Variants in SCAPER observed in about 807,000 individuals in gnomAD.
The protein encoded by SCAPER is S phase cyclin A-associated protein in the endoplasmic reticulum.
Under a neutral mutation model 182.2 loss-of-function variants are expected in SCAPER, and 98 were observed. That is an observed-to-expected ratio of 0.54 (90% CI 0.46 to 0.64). The LOEUF is 0.64. Ranked by LOEUF, SCAPER falls within the 30% of genes least tolerant of loss-of-function variation. The probability of loss-of-function intolerance (pLI) is 0.00; values close to 1 mark genes in which losing one functional copy is unlikely to be tolerated. For synonymous variants in SCAPER, 605 were observed against 564.6 expected (o/e 1.07, Z -1.01); for missense variants, 1,432 against 1,690.0 (o/e 0.85, Z 2.68).
At chr15:76,389,473 C>G (rs1196659110) in intron 27 of SCAPER, among the ~76,000 whole-genome samples, 1 of 112,256 alleles carries the variant, frequency 8.9e-6, no homozygotes, top group Non-Finnish European at 1.7e-5. Context: ...TGCACTGTAG[C>G]CTGGGAAACA....
chr15:76,902,884 C>T (rs1309928213), intron 1 of SCAPER, among the ~76,000 whole-genome samples: 1 of 151,958 alleles, frequency 6.6e-6, no homozygotes, highest in East Asian at 1.9e-4. Context: ...TGGTGAAACC[C>T]GGTCTCTACT....
intron 25 of SCAPER, among the ~76,000 whole-genome samples, chr15:76,440,661 A>G (rs2142659635): frequency 6.6e-6 from 1 of 152,324 alleles, no homozygotes; most frequent in Non-Finnish European, 1.5e-5. Flanking sequence ...GAAGGGCTCC[A>G]GCAGCAGACA....
At chr15:76,450,264 GC>G (rs1427044513) in intron 25 of SCAPER, among the ~76,000 whole-genome samples, 6 of 152,148 alleles carry the variant, frequency 3.9e-5, no homozygotes, top group Admixed American at 1.3e-4. Flanking sequence ...TATAAGGAAA[GC>G]AAATCAATAG....
intron 5 of SCAPER, 57 bp downstream of exon 5, chr15:76,841,677 G>A (rs1178433250): frequency 1.3e-6 from 2 of 1,551,020 alleles, no homozygotes; most frequent in African/African-American, 1.4e-5. Context: ...GTCACATGTA[G>A]CAAAAATTCA....
At chr15:76,793,199 G>T in intron 8 of SCAPER, 2 of 1,148,302 alleles carry the variant, frequency 1.7e-6, no homozygotes, top group Non-Finnish European at 2.5e-6. Context: ...CAGTTCTATA[G>T]CTACTGTTAT....
At chr15:76,432,133 T>C (rs1393244602) in intron 26 of SCAPER, among the ~76,000 whole-genome samples, 5 of 152,166 alleles carry the variant, frequency 3.3e-5, no homozygotes, top group Admixed American at 3.3e-4. Context: ...GCATGCAGGG[T>C]TGCTGCATCA....
At chr15:76,590,346 T>C (rs1487910188) in intron 22 of SCAPER, among the ~76,000 whole-genome samples, 1 of 152,136 alleles carries the variant, frequency 6.6e-6, no homozygotes, top group East Asian at 1.9e-4. Context: ...ACATGGAAAA[T>C]GTATTTTTTT....
At chr15:76,842,838 T>C (rs2069612929) in intron 4 of SCAPER, among the ~76,000 whole-genome samples, 1 of 152,196 alleles carries the variant, frequency 6.6e-6, no homozygotes, top group Non-Finnish European at 1.5e-5. Context: ...GCTCTACAAT[T>C]ACACTGCTGG....
chr15:76,745,584 AG>A (rs1475372951), intron 15 of SCAPER, among the ~76,000 whole-genome samples: 6 of 152,258 alleles, frequency 3.9e-5, no homozygotes, highest in Non-Finnish European at 8.8e-5. Context: ...TGGAATTTTA[AG>A]AAAAAGAATT....
intron 21 of SCAPER, among the ~76,000 whole-genome samples, chr15:76,643,387 A>C (rs1475423827): frequency 6.6e-6 from 1 of 152,164 alleles, no homozygotes; most frequent in Non-Finnish European, 1.5e-5. Flanking sequence ...GGTCTTTAGA[A>C]AGTCATCATT....
chr15:76,376,410 G>A, intron 28 of SCAPER, 99 bp from the exon 29 acceptor site: 1 of 1,318,576 alleles, frequency 7.6e-7, no homozygotes, highest in Non-Finnish European at 1.0e-6. Context: ...CTGCCATGGT[G>A]GTGGAAAAAC....
At chr15:76,673,995 A>G (rs1333731290) in intron 20 of SCAPER, among the ~76,000 whole-genome samples, 1 of 149,252 alleles carries the variant, frequency 6.7e-6, no homozygotes, top group Non-Finnish European at 1.5e-5. Flanking sequence ...ACACACCCCA[A>G]TCAGATAACT....
At chr15:76,825,113 A>G (rs181032364) in intron 5 of SCAPER, among the ~76,000 whole-genome samples, 129 of 152,342 alleles carry the variant, frequency 8.5e-4, no homozygotes, top group East Asian at 1.5e-3. Flanking sequence ...GTTACCTCCA[A>G]AAAACTGCTT....
At chr15:76,700,392 G>A (rs751664206) in intron 20 of SCAPER, among the ~76,000 whole-genome samples, 5 of 152,190 alleles carry the variant, frequency 3.3e-5, no homozygotes, top group Non-Finnish European at 4.4e-5. Context: ...TGGGGGTCAT[G>A]GGGTCTCCTG....
intron 24 of SCAPER, among the ~76,000 whole-genome samples, chr15:76,477,918 C>T (rs2050785928): frequency 6.6e-6 from 1 of 151,342 alleles, no homozygotes; most frequent in Non-Finnish European, 1.5e-5. Context: ...ATAACTTTTC[C>T]AGTTTATTGC....
chr15:76,624,778 G>A lies in SCAPER; in HGVS notation c.2646-2949C>T, dbSNP rs188676983. On this transcript the variant is annotated intron_variant, in intron 21 of 31. Transcript: ENST00000563290. ...CTCCACAGTGACAAACACTGATACC[G>A]GCGTTAGCAGGTCCAGGTGAGCTGA... Among the ~76,000 whole-genome samples, 79 of 152,298 alleles carry A rather than the reference G, an allele frequency of 5.2e-4. 1 individual carries two copies. The highest frequency in any genetic ancestry group is 1.8e-3 in the Admixed American group (27 of 15,298).
intron 18 of SCAPER, among the ~76,000 whole-genome samples, chr15:76,705,583 G>A (rs952696322): frequency 1.3e-5 from 2 of 150,652 alleles, no homozygotes; most frequent in African/African-American, 4.9e-5. Context: ...ATGGCTTTTA[G>A]GATGGTTAAA....
rs563127470 is a variant in SCAPER, at chr15:76,899,372, C to G, written c.-60+5927G>C. Among the ~76,000 whole-genome samples, 4 of 152,344 alleles carry G rather than the reference C, an allele frequency of 2.6e-5. No homozygotes were observed. The East Asian group carries it at 7.7e-4, about 29-fold the overall frequency. ...TGGAGATGGGTTTCGCCATGTTGAC[C>G]GTGCTGGTCTCCAGCTCCTGGCCTC... On this transcript the variant is annotated intron_variant, in intron 1 of 31. Coordinates refer to ENST00000563290, the MANE Select transcript of SCAPER (RefSeq NM_020843.4).
intron 29 of SCAPER, among the ~76,000 whole-genome samples, chr15:76,356,748 G>A (rs1310717063): frequency 6.6e-6 from 1 of 152,058 alleles, no homozygotes; most frequent in African/African-American, 2.4e-5. Flanking sequence ...AACATAAAGG[G>A]GCTTCCCACA....
Sources: allele counts gnomAD v4.1 joint callset (sites outside exome capture counted in the v4.1 genomes callset), GRCh38; gene constraint gnomAD v4.1.1; transcripts MANE v1.5; gene names NCBI Gene and HGNC (gene_info 2026-07-23, HGNC 2026-07-21).